The following POLR1E variants were observed in gnomAD, a reference collection of about 807,000 sequenced individuals.
POLR1E encodes the protein RNA polymerase I subunit E.
In POLR1E, 37 loss-of-function variants were observed where a neutral mutation model predicts 50.9. The observed-to-expected ratio is 0.73, with a 90% CI of 0.56 to 0.96. The LOEUF is 0.96. Among genes scored for constraint, POLR1E ranks in the 40% least tolerant of loss-of-function variants. The probability of loss-of-function intolerance (pLI) is 0.00; values close to 1 mark genes in which losing one functional copy is unlikely to be tolerated. For synonymous variants in POLR1E, 166 were observed against 191.6 expected (o/e 0.87, Z 1.10); for missense variants, 426 against 518.1 (o/e 0.82, Z 1.73).
At chr9:37,487,811 T>A in intron 2 of POLR1E, 52 bp from the exon 3 acceptor site, 3 of 1,533,826 alleles carry the variant, frequency 2.0e-6, no homozygotes, top group Non-Finnish European at 2.7e-6. Context: ...AAATGATGCT[T>A]AATACCTTTC....
Position 37,486,127 on chromosome 9 carries a change from A to G in POLR1E, c.76+4A>G. On this transcript the variant is annotated splice_donor_region_variant and intron_variant, in intron 1 of 11. Coordinates refer to ENST00000377798, the MANE Select transcript of POLR1E (RefSeq NM_022490.4). ...GGGAGCCAGAGAGCTGTACTGGGTA[A>G]AGACTGCGGAGCTGGAGCAGTGCTC... The G allele has an allele frequency of 6.3e-7, 1 of 1,592,682 alleles. No homozygotes were observed. Among genetic ancestry groups the G allele is most frequent in the Non-Finnish European group, 8.5e-7 (1 of 1,171,218 alleles).
intron 5 of POLR1E, 73 bp from the exon 6 acceptor site, chr9:37,493,486 C>T: frequency 7.5e-7 from 1 of 1,330,124 alleles, no homozygotes; most frequent in Non-Finnish European, 1.0e-6. Flanking sequence ...GAGAGTATCC[C>T]CATAGTGACA....
chr9:37,500,581 G>A (rs1473504763), intron 9 of POLR1E, among the ~76,000 whole-genome samples: 2 of 152,106 alleles, frequency 1.3e-5, no homozygotes, highest in Non-Finnish European at 2.9e-5. Context: ...TTAACTCTGG[G>A]TCCTTAGGCC....
At chr9:37,489,934 G>C (rs1417805064) in intron 4 of POLR1E, among the ~76,000 whole-genome samples, 2 of 152,122 alleles carry the variant, frequency 1.3e-5, no homozygotes, top group Non-Finnish European at 2.9e-5. Context: ...CCAAGCTGGG[G>C]CTGTGGATGT....
intron 4 of POLR1E, chr9:37,492,388 A>T: frequency 9.1e-7 from 1 of 1,094,622 alleles, no homozygotes; most frequent in Non-Finnish European, 1.3e-6. Flanking sequence ...AAGTAATTTC[A>T]TCTGTGGGCC....
Position 37,503,147 on chromosome 9 carries a change from C to T in POLR1E, c.1205C>T (p.Pro402Leu), listed in dbSNP as rs145132632. 335 of 1,613,654 alleles carry T rather than the reference C, an allele frequency of 2.1e-4. 2 individuals are homozygous for T. The highest frequency in any genetic ancestry group is 8.6e-4 in the Middle Eastern group (5 of 5,790). The change falls in exon 12 of 12, where the codon CCG (proline) becomes CTG (leucine). Residue 402 changes from proline (P) to leucine (L), a missense_variant. Coordinates refer to ENST00000377798, the MANE Select transcript of POLR1E (RefSeq NM_022490.4). Reference protein sequence around the residue: ...EDHKLGTLSLPLPPAQTSDRL... With the variant: ...EDHKLGTLSLLLPPAQTSDRL... The stretch of plus-strand genomic sequence containing the variant: ...CACAAGCTGGGCACCCTGTCCCTCC[C>T]GCTGCCTCCAGCCCAGACCTCAGAC...
chr9:37,499,654 G>A (rs970959103), intron 9 of POLR1E, among the ~76,000 whole-genome samples: 8 of 151,152 alleles, frequency 5.3e-5, no homozygotes, highest in African/African-American at 1.2e-4. Flanking sequence ...TCAGCCTCCC[G>A]AGTAGCTGGG....
chr9:37,501,715 T>A lies in POLR1E; in HGVS notation c.971T>A (p.Leu324Ter). The change falls in exon 11 of 12, where the codon TTA (leucine) becomes TAA (stop). Residue 324 changes from leucine (L) to a stop codon, truncating the protein, a stop_gained and splice_region_variant. Transcript: ENST00000377798. LOFTEE classifies it high-confidence loss of function. ...FTCLTYNNGR[L>*]RNLISDSMKA... is the part of the protein sequence containing the mutation. ...CTTTATTGCCACTGATTTTCTAGAT[T>A]ACGGAACTTAATTTCGGATTCTATG... is the stretch of plus-strand genomic sequence containing the variant. 6.2e-7 allele frequency: 1 copy of A among 1,606,764 alleles called. No individual in the cohort carries two copies. The highest frequency in any genetic ancestry group is 8.5e-7 in the Non-Finnish European group (1 of 1,178,312).
At chr9:37,493,277 G>T (rs1437851064) in intron 5 of POLR1E, among the ~76,000 whole-genome samples, 1 of 152,202 alleles carries the variant, frequency 6.6e-6, no homozygotes, top group Non-Finnish European at 1.5e-5. Flanking sequence ...TCTGTTACGG[G>T]CATAGGATGG....
At chr9:37,490,924 G>T in intron 4 of POLR1E, 1 of 459,508 alleles carries the variant, frequency 2.2e-6, no homozygotes, top group Non-Finnish European at 4.2e-6. Flanking sequence ...TGGCAGTTCT[G>T]GCCGAAAGGG....
intron 2 of POLR1E, among the ~76,000 whole-genome samples, chr9:37,487,428 G>C (rs1380333403): frequency 1.3e-5 from 2 of 152,220 alleles, no homozygotes; most frequent in Non-Finnish European, 2.9e-5. Flanking sequence ...GAGTGAAAAG[G>C]ATAGTGAGGA....
At chr9:37,492,795 T>G in intron 5 of POLR1E, 80 bp downstream of exon 5, 1 of 1,287,116 alleles carries the variant, frequency 7.8e-7, no homozygotes, top group South Asian at 1.2e-5. Flanking sequence ...TGAAATGAGC[T>G]TGTTGAACTC....
chr9:37,503,210 C>A lies in POLR1E; in HGVS notation c.*8C>A, dbSNP rs1394183057. ...CGGAGGAAGATTACCTAGACGCATG[C>A]TTTCCAGACAGGGCGTTTTGGCTGC... On this transcript the variant is annotated 3_prime_UTR_variant, in exon 12 of 12. Coordinates refer to ENST00000377798, the MANE Select transcript of POLR1E (RefSeq NM_022490.4). 6.3e-7 allele frequency: 1 copy of A among 1,592,820 alleles called. No homozygotes were observed.
intron 1 of POLR1E, 22 bp downstream of exon 1, chr9:37,486,145 C>T (rs1167844081): frequency 2.7e-5 from 42 of 1,576,100 alleles, no homozygotes; most frequent in Non-Finnish European, 3.6e-5. Context: ...GGAGCTGGAG[C>T]AGTGCTCCTC....
At chr9:37,497,762 CGTTT>C (rs765212286) in intron 8 of POLR1E, among the ~76,000 whole-genome samples, 1 of 151,960 alleles carries the variant, frequency 6.6e-6, no homozygotes. Context: ...TGCTTTTGTT[CGTTT>C]GTTTTTTTTT....
At chr9:37,502,785 C>T (rs556448939) in intron 11 of POLR1E, among the ~76,000 whole-genome samples, 73 of 152,298 alleles carry the variant, frequency 4.8e-4, no homozygotes, top group Non-Finnish European at 8.1e-4. Flanking sequence ...AAGTTGCTCA[C>T]GGGGCTGTAG....
rs1423112445 is a variant in POLR1E, at chr9:37,492,433, G to A, written c.344-224G>A. On this transcript the variant is annotated intron_variant, in intron 4 of 11. Transcript: ENST00000377798. ...TTAATTTCTAAAATGAAGAGGTTGGGCTGGATGACCGCTTGATTTGGCTAA... is the reference window on the plus strand; with the variant it reads ...TTAATTTCTAAAATGAAGAGGTTGGACTGGATGACCGCTTGATTTGGCTAA... 4.4e-6 allele frequency: 4 copies of A among 914,158 alleles called. No individual in the cohort carries two copies. In the African/African-American group the frequency reaches 5.0e-5, roughly 11 times the overall value. The allele number at this position is 914,158 out of a possible 1,614,324, so 56.6% of individuals were successfully genotyped here.
chr9:37,499,292 G>T (rs1020302914), intron 9 of POLR1E, among the ~76,000 whole-genome samples: 3 of 152,142 alleles, frequency 2.0e-5, no homozygotes, highest in African/African-American at 7.2e-5. Context: ...AGCTGGGGTG[G>T]TGCACGCCTG....
chr9:37,490,073 T>G (rs1474920230), intron 4 of POLR1E, among the ~76,000 whole-genome samples: 1 of 152,218 alleles, frequency 6.6e-6, no homozygotes, highest in Non-Finnish European at 1.5e-5. Context: ...ATAAAATCTT[T>G]TCCATAAAAG....
Sources: gnomAD v4.1 joint callset for allele counts (sites outside exome capture counted in the v4.1 genomes callset) on GRCh38, gnomAD v4.1.1 for gene constraint, MANE v1.5 for transcripts, NCBI Gene and HGNC (gene_info 2026-07-23, HGNC 2026-07-21) for gene names.